Variants in NUP188 observed in about 807,000 individuals in gnomAD.
The protein encoded by NUP188 is nucleoporin NUP188.
NUP188 carries 97 observed loss-of-function variants against 223.0 expected under a neutral mutation model. The ratio of observed to expected loss-of-function variants is 0.43; its 90% CI spans 0.37 to 0.51. The LOEUF is 0.51. Ranked by LOEUF, NUP188 falls within the 20% of genes least tolerant of loss-of-function variation. NUP188 has a pLI of 0.00. For synonymous variants in NUP188, 869 were observed against 828.0 expected, an observed-to-expected ratio of 1.05 and a Z score of -0.85; for missense variants, 1,947 against 2,175.6, an observed-to-expected ratio of 0.89 and a Z score of 2.09.
At chr9:128,969,551 A>G (rs2131154360) in intron 10 of NUP188, 37 bp downstream of exon 10, 1 of 1,188,084 alleles carries the variant, frequency 8.4e-7, no homozygotes, top group South Asian at 1.5e-5. Context: ...CAGAGGGTTT[A>G]TAAGTTAGTA....
chr9:128,996,334 G>C (rs779307455), intron 30 of NUP188, among the ~76,000 whole-genome samples: 3 of 152,028 alleles, frequency 2.0e-5, no homozygotes, highest in Non-Finnish European at 4.4e-5. Context: ...ATTTTTCGTA[G>C]AGATGGGGTT....
At position 128,995,657 on chromosome 9, in the gene NUP188, G is replaced by C. The variant is rs1842512121; in HGVS notation, c.3351+143G>C. 9.8e-6 allele frequency: 7 copies of C among 716,762 alleles called. No homozygotes were observed. The South Asian group carries it at 1.3e-4, about 14-fold the overall frequency. 44.4% of individuals were successfully genotyped at this position (716,762 alleles called of 1,614,324 possible). A position where few individuals can be genotyped will look rare whatever the true frequency, so the allele number is the denominator to read the frequency against. On this transcript the variant is annotated intron_variant, in intron 30 of 43. Coordinates refer to ENST00000372577, the MANE Select transcript of NUP188 (RefSeq NM_015354.3). Reference sequence around the variant, plus strand: ...TAAACTGTAATAGGTTCTATGCTGAGAGATTGGGACTGTGGGGTATTTGAG... The same window carrying C: ...TAAACTGTAATAGGTTCTATGCTGACAGATTGGGACTGTGGGGTATTTGAG...
intron 36 of NUP188, 130 bp downstream of exon 36, chr9:129,002,106 C>G: frequency 1.4e-6 from 1 of 713,066 alleles, no homozygotes; most frequent in Non-Finnish European, 2.4e-6. Context: ...GGTGAGGAAT[C>G]TTCCCTGCCC....
At chr9:128,964,733 TCTCA>T (rs1842004557) in intron 8 of NUP188, among the ~76,000 whole-genome samples, 3 of 146,840 alleles carry the variant, frequency 2.0e-5, no homozygotes, top group Admixed American at 6.9e-5. Context: ...TTTGAGACGC[TCTCA>T]CTCAGTCACC....
In NUP188 at chr9:129,006,971, GGA is replaced by G. The variant is rs1842825684; in HGVS notation, c.*297_*298del. The G allele has an allele frequency of 3.0e-6, 1 of 331,612 alleles. No individual in the cohort carries two copies. Among genetic ancestry groups the G allele is most frequent in the African/African-American group, 2.1e-5 (1 of 46,898 alleles). 20.5% of individuals were successfully genotyped at this position (331,612 alleles called of 1,614,324 possible). ...ATTCCCCACAGCACTGCCGGCCAGG[GGA>G]GAGGCGGCAGCCCAGCAGAGGGCTC... On this transcript the variant is annotated 3_prime_UTR_variant, in exon 44 of 44. Transcript: ENST00000372577.
chr9:128,973,396 T>TACAGCA, intron 12 of NUP188, 147 bp downstream of exon 12: 1 of 600,940 alleles, frequency 1.7e-6, no homozygotes. Flanking sequence ...TTTTTCTTTT[T>TACAGCA]TTTTGAGATG....
At position 128,983,358 on chromosome 9, in the gene NUP188, T is replaced by C; in HGVS notation, c.1862T>C (p.Leu621Ser). ...TCTTGTGTCAACTGCTTAACTGTTT[T>C]GGCTGCCCGCAATCCAGCAAAGGTG... Reference protein sequence around the residue: ...IASCVNCLTVLAARNPAKVWT... With the variant: ...IASCVNCLTVSAARNPAKVWT... Residue 621 changes from leucine (L) to serine (S), a missense_variant, in exon 18 of 44, where the codon TTG becomes TCG. Physicochemically the swap from Leu to Ser is moderately radical, Grantham distance 145 (BLOSUM62 -2). Coordinates refer to ENST00000372577, the MANE Select transcript of NUP188 (RefSeq NM_015354.3). 6.2e-7 allele frequency: 1 copy of C among 1,614,208 alleles called. No homozygotes were observed. Among genetic ancestry groups the C allele is most frequent in the East Asian group, 2.2e-5 (1 of 44,886 alleles).
At chr9:129,004,281 C>CAAAAAAA (rs560251172) in intron 38 of NUP188, among the ~76,000 whole-genome samples, 1 of 89,680 alleles carries the variant, frequency 1.1e-5, no homozygotes, top group Non-Finnish European at 2.1e-5. Flanking sequence ...GACTCCGTCT[C>CAAAAAAA]AAAAAAAAAA....
At chr9:129,003,238 T>C (rs1485815449) in intron 37 of NUP188, 79 bp from the exon 38 acceptor site, 5 of 1,513,718 alleles carry the variant, frequency 3.3e-6, no homozygotes, top group Admixed American at 2.2e-5. Context: ...GGACGTTGCC[T>C]CTCCACAGGA....
chr9:128,998,377 A>C (rs1842568634), intron 31 of NUP188, 149 bp downstream of exon 31: 3 of 975,902 alleles, frequency 3.1e-6, no homozygotes, highest in Non-Finnish European at 4.9e-6. Flanking sequence ...GTAGTGGGTC[A>C]GCAGAGCTCT....
chr9:128,963,404 G>T (rs899060356), intron 8 of NUP188, among the ~76,000 whole-genome samples: 5 of 151,124 alleles, frequency 3.3e-5, no homozygotes, highest in Admixed American at 6.6e-5. Context: ...TCCTGCCTCA[G>T]CCTCCTGAGT....
rs1017432446 is a variant in NUP188, at chr9:128,951,050, G to A, written c.88-1723G>A. Reference sequence around the variant, plus strand: ...TTCTTGGCCAGGCATGGTGGCTCACGCCTGTAATCCCAGCACTTTGGGAGG... The same window carrying A: ...TTCTTGGCCAGGCATGGTGGCTCACACCTGTAATCCCAGCACTTTGGGAGG... On this transcript the variant is annotated intron_variant, in intron 2 of 43. Transcript: ENST00000372577. Among the ~76,000 whole-genome samples, 6 of 152,224 alleles carry A rather than the reference G, an allele frequency of 3.9e-5. No homozygotes were observed. The South Asian group carries it at 6.2e-4, about 16-fold the overall frequency.
rs147831218 is a variant in NUP188, at chr9:128,980,915, G to A, written c.1389+190G>A. Among the ~76,000 whole-genome samples, 192 of 152,272 alleles carry A rather than the reference G, an allele frequency of 1.3e-3. 1 individual carries two copies. Among genetic ancestry groups the A allele is most frequent in the Middle Eastern group, 3.4e-3 (1 of 294 alleles). ...ATAATCTTTTCATTAAGTACCTATTGTAGATACTGTGGGACTAAGACTAAG... is the reference window on the plus strand; with the variant it reads ...ATAATCTTTTCATTAAGTACCTATTATAGATACTGTGGGACTAAGACTAAG... On this transcript the variant is annotated intron_variant, in intron 14 of 43. Coordinates refer to ENST00000372577, the MANE Select transcript of NUP188 (RefSeq NM_015354.3).
At chr9:128,966,688 A>G (rs903220265) in intron 8 of NUP188, among the ~76,000 whole-genome samples, 6 of 152,174 alleles carry the variant, frequency 3.9e-5, no homozygotes, top group Admixed American at 3.3e-4. Context: ...ATCAGAGAAC[A>G]CATTCTTTGT....
Position 128,981,274 on chromosome 9 carries a change from T to A in NUP188, c.1400T>A (p.Phe467Tyr). Residue 467 changes from phenylalanine (F) to tyrosine (Y), a missense_variant, in exon 15 of 44, where the codon TTC becomes TAC. Physicochemically the swap from Phe to Tyr is conservative, Grantham distance 22 (BLOSUM62 3). This residue lies in a region of NUP188 where 817 missense variants were observed against 865.8 expected (regional missense o/e 0.94). Coordinates refer to ENST00000372577, the MANE Select transcript of NUP188 (RefSeq NM_015354.3). ...GKSTAKKVYS[F>Y]LDKMSFYNEL... is the part of the protein sequence containing the mutation. ...TTTCTGTTTTGGCAGGTGTATAGCT[T>A]CTTGGATAAGATGTCTTTCTACAAT... 1 of 1,613,904 alleles carries A rather than the reference T, an allele frequency of 6.2e-7. No homozygotes were observed. Among genetic ancestry groups the A allele is most frequent in the Non-Finnish European group, 8.5e-7 (1 of 1,179,904 alleles).
rs576821582 is a variant in NUP188 at position 128,970,373 on chromosome 9, G to A, written c.913-385G>A. On this transcript the variant is annotated intron_variant, in intron 10 of 43. Coordinates refer to ENST00000372577, the MANE Select transcript of NUP188 (RefSeq NM_015354.3). ...AGAGGCCCAAGGAGAAAACCCTGGGGATTGACTGCATTTAAGGAGCCTGTG... is the reference window on the plus strand; with the variant it reads ...AGAGGCCCAAGGAGAAAACCCTGGGAATTGACTGCATTTAAGGAGCCTGTG... Among the ~76,000 whole-genome samples the A allele has an allele frequency of 2.6e-5, 4 of 152,270 alleles. No homozygotes were observed. The East Asian group carries it at 7.7e-4, about 29-fold the overall frequency.
At chr9:128,966,111 A>G (rs1842023560) in intron 8 of NUP188, among the ~76,000 whole-genome samples, 1 of 146,046 alleles carries the variant, frequency 6.8e-6, no homozygotes, top group African/African-American at 2.5e-5. Flanking sequence ...TCTTTTTTTA[A>G]AATAGATTTC....
Position 128,994,458 on chromosome 9 carries a change from G to C in NUP188, c.3087+16G>C. ...AACATCAGAGGTAAGCTGTGGCAGA[G>C]GGCAGGATGGTGGCTACAAGTCCCT... On this transcript the variant is annotated intron_variant, in intron 28 of 43. Coordinates refer to ENST00000372577, the MANE Select transcript of NUP188 (RefSeq NM_015354.3). 1.3e-6 allele frequency: 2 copies of C among 1,593,596 alleles called. No homozygotes were observed. Among genetic ancestry groups the C allele is most frequent in the Non-Finnish European group, 1.7e-6 (2 of 1,161,776 alleles).
In NUP188 at chr9:128,988,141, C is replaced by T. The variant is rs2131172394; in HGVS notation, c.2488C>T (p.Pro830Ser). Reference protein sequence around the residue: ...VTNNVIRLKPPSNVVSPLEQA... With the variant: ...VTNNVIRLKPSSNVVSPLEQA... ...CAACAATGTTATTCGGCTGAAACCT[C>T]CTTCTAATGTGGTGTCCCCCCTGGA... The change falls in exon 24 of 44, where the codon CCT (proline) becomes TCT (serine). Residue 830 changes from proline to serine, a missense_variant. Around this residue, in one of 3 missense-constraint regions of NUP188, gnomAD observed 225 missense variants for 319.1 expected, o/e 0.71. Transcript: ENST00000372577. 1.9e-6 allele frequency: 3 copies of T among 1,614,190 alleles called. No homozygotes were observed. The highest frequency in any genetic ancestry group is 2.2e-5 in the South Asian group (2 of 91,050).
Sources: gnomAD v4.1 joint callset for allele counts (sites outside exome capture counted in the v4.1 genomes callset) on GRCh38, gnomAD v4.1.1 for gene constraint, gnomAD v4.1.1 regional missense constraint, MANE v1.5 for transcripts, NCBI Gene and HGNC (gene_info 2026-07-23, HGNC 2026-07-21) for gene names.